Variants in ESF1 observed in about 807,000 individuals in gnomAD.
ESF1 encodes the protein ESF1 homolog.
A neutral mutation model predicts 92.0 loss-of-function variants in ESF1; 58 were observed. The observed-to-expected ratio is 0.63, with a 90% CI of 0.51 to 0.78. The LOEUF (loss-of-function observed/expected upper bound fraction) is 0.78. Ranked by LOEUF, ESF1 falls within the 30% of genes least tolerant of loss-of-function variation. The probability of loss-of-function intolerance (pLI) is 0.00; values close to 1 mark genes in which losing one functional copy is unlikely to be tolerated. For synonymous variants in ESF1, 321 were observed against 313.7 expected (o/e 1.02, Z -0.24); for missense variants, 922 against 989.1 (o/e 0.93, Z 0.91).
At chr20:13,721,005 C>G (rs544449818) in intron 11 of ESF1, among the ~76,000 whole-genome samples, 92 of 152,270 alleles carry the variant, frequency 6.0e-4, no homozygotes, top group African/African-American at 2.1e-3. Context: ...CACCTGTAGT[C>G]CCAGCTACTA....
At chr20:13,731,805 T>C (rs1214587165) in intron 10 of ESF1, among the ~76,000 whole-genome samples, 1 of 152,188 alleles carries the variant, frequency 6.6e-6, no homozygotes, top group African/African-American at 2.4e-5. Context: ...GGTCCTGCCC[T>C]GTAGTTGTGG....
intron 7 of ESF1, among the ~76,000 whole-genome samples, chr20:13,769,694 G>A (rs1486078932): frequency 2.0e-5 from 3 of 152,280 alleles, no homozygotes; most frequent in African/African-American, 7.2e-5. Context: ...GCTGAGGCAC[G>A]AGAATCGCTT....
intron 8 of ESF1, among the ~76,000 whole-genome samples, chr20:13,760,728 C>T (rs551928011): frequency 1.5e-4 from 23 of 151,106 alleles, no homozygotes; most frequent in African/African-American, 5.1e-4. Flanking sequence ...CAGCCCCCAC[C>T]GGCCAGCCGC....
At chr20:13,729,628 C>T (rs1218657711) in intron 10 of ESF1, among the ~76,000 whole-genome samples, 1 of 152,070 alleles carries the variant, frequency 6.6e-6, no homozygotes, top group African/African-American at 2.4e-5. Flanking sequence ...TTAGTTACAA[C>T]AATTTATTTG....
intron 10 of ESF1, among the ~76,000 whole-genome samples, chr20:13,730,385 C>CTTTT (rs761416984): frequency 7.5e-6 from 1 of 134,192 alleles, no homozygotes; most frequent in Non-Finnish European, 1.6e-5. Flanking sequence ...AGAACAAGTG[C>CTTTT]TTTTTTTTTT....
chr20:13,737,700 C>T (rs756437586), intron 9 of ESF1, among the ~76,000 whole-genome samples: 5 of 152,148 alleles, frequency 3.3e-5, no homozygotes, highest in Non-Finnish European at 5.9e-5. Context: ...GTCACCCAGG[C>T]TGGAGTGCAA....
At chr20:13,772,277 T>C (rs769475911) in intron 5 of ESF1, among the ~76,000 whole-genome samples, 2 of 151,480 alleles carry the variant, frequency 1.3e-5, no homozygotes, top group African/African-American at 2.4e-5. Context: ...AATCATGAAA[T>C]GTTTTTCAAA....
At chr20:13,748,593 T>TATA (rs1466247619) in intron 9 of ESF1, among the ~76,000 whole-genome samples, 580 of 11,796 alleles carry the variant, frequency 0.049, 7 homozygotes, top group African/African-American at 0.16. Context: ...TATATATATA[T>TATA]TTTTTTTTTT....
chr20:13,762,047 C>CT, intron 8 of ESF1, among the ~76,000 whole-genome samples: 1 of 152,066 alleles, frequency 6.6e-6, no homozygotes, highest in Non-Finnish European at 1.5e-5. Flanking sequence ...GTCCTTGTAT[C>CT]TTTTTTAGTT....
intron 9 of ESF1, among the ~76,000 whole-genome samples, chr20:13,748,586 ATATATAT>A (rs1256436076): frequency 3.7e-4 from 32 of 85,768 alleles, no homozygotes; most frequent in African/African-American, 1.7e-3. Context: ...ATATATATAT[ATATATAT>A]TTTTTTTTTT....
chr20:13,752,652 T>C (rs1444348436), intron 9 of ESF1, among the ~76,000 whole-genome samples: 3 of 152,330 alleles, frequency 2.0e-5, no homozygotes, highest in African/African-American at 7.2e-5. Context: ...AAAAACATTT[T>C]TACTTCTAAA....
In ESF1 at chr20:13,775,955, T is replaced by C; in HGVS notation, c.953A>G (p.Asp318Gly). 1 of 1,613,844 alleles carries C rather than the reference T, an allele frequency of 6.2e-7. No individual in the cohort carries two copies. Among genetic ancestry groups the C allele is most frequent in the Non-Finnish European group, 8.5e-7 (1 of 1,179,904 alleles). ...NIETSSEDED[D>G]TADLFPEESG... is the part of the protein sequence containing the mutation. The stretch of plus-strand genomic sequence containing the variant: ...TTCTTCTGGAAACAAATCTGCCGTA[T>C]CATCTTCATCTTCAGAACTAGTTTC... The change falls in exon 3 of 14, where the codon GAT becomes GGT. Residue 318 changes from aspartate to glycine, a missense_variant. Physicochemically the swap from Asp to Gly is moderately conservative, Grantham distance 94. Coordinates refer to ENST00000617257, the MANE Select transcript of ESF1 (RefSeq NM_001276380.2).
At chr20:13,757,520 T>C (rs566573874) in intron 9 of ESF1, among the ~76,000 whole-genome samples, 2 of 152,246 alleles carry the variant, frequency 1.3e-5, no homozygotes, top group African/African-American at 4.8e-5. Context: ...CACCTCAGCC[T>C]CCCCAGTAGC....
rs2049915497 is a variant in ESF1 at position 13,728,309 on chromosome 20, T to C, written c.2038+69A>G. On this transcript the variant is annotated intron_variant, in intron 11 of 13. Coordinates refer to ENST00000617257, the MANE Select transcript of ESF1 (RefSeq NM_001276380.2). Reference sequence around the variant, plus strand: ...CAATTTTAAAAGAATGATTAGTTTATATTGCTTCCATGTACCTCACCTTTT... The same window carrying C: ...CAATTTTAAAAGAATGATTAGTTTACATTGCTTCCATGTACCTCACCTTTT... The C allele has an allele frequency of 2.5e-6, 3 of 1,185,068 alleles. No individual in the cohort carries two copies. In the African/African-American group the frequency reaches 4.6e-5, roughly 18 times the overall value. 73.4% of individuals were successfully genotyped at this position (1,185,068 alleles called of 1,614,324 possible).
chr20:13,766,617 T>C (rs1979436535), intron 8 of ESF1, among the ~76,000 whole-genome samples, 160 bp downstream of exon 8: 1 of 152,220 alleles, frequency 6.6e-6, no homozygotes. Flanking sequence ...GTTAAAGAAA[T>C]TCAGGCAAAG....
At chr20:13,716,966 C>T (rs529615165) in intron 13 of ESF1, among the ~76,000 whole-genome samples, 56 of 151,576 alleles carry the variant, frequency 3.7e-4, no homozygotes, top group African/African-American at 1.1e-3. Flanking sequence ...TACAGGTGCC[C>T]GCCACCACGC....
chr20:13,730,550 A>C (rs1215093070), intron 10 of ESF1, among the ~76,000 whole-genome samples: 2 of 151,030 alleles, frequency 1.3e-5, no homozygotes, highest in Non-Finnish European at 2.9e-5. Context: ...CGCCCAGCTA[A>C]TTTTTTTGTA....
At chr20:13,739,795 AAAC>A (rs1189680229) in intron 9 of ESF1, among the ~76,000 whole-genome samples, 2 of 152,068 alleles carry the variant, frequency 1.3e-5, no homozygotes, top group African/African-American at 4.8e-5. Context: ...CCTTGGGGAC[AAAC>A]ACTGATCTGC....
Position 13,775,757 on chromosome 20 carries a change from C to A in ESF1, c.1035+116G>T, listed in dbSNP as rs1362600366. On this transcript the variant is annotated intron_variant, in intron 3 of 13. Transcript: ENST00000617257. The stretch of plus-strand genomic sequence containing the variant: ...TTCCATATCAAATTTTAATCAGAAT[C>A]ATAAAGAATACTATTACCAATAAGC... 11 of 1,228,924 alleles carry A rather than the reference C, an allele frequency of 9.0e-6. No homozygotes were observed. The East Asian group carries it at 1.5e-4, about 17-fold the overall frequency. 76.1% of individuals were successfully genotyped at this position (1,228,924 alleles called of 1,614,324 possible). A position where few individuals can be genotyped will look rare whatever the true frequency, so the allele number is the denominator to read the frequency against.
Sources: gnomAD v4.1 joint callset for allele counts (sites outside exome capture counted in the v4.1 genomes callset) on GRCh38, gnomAD v4.1.1 for gene constraint, MANE v1.5 for transcripts, NCBI Gene and HGNC (gene_info 2026-07-23, HGNC 2026-07-21) for gene names.